The following CPNE3 variants were observed in gnomAD, a reference collection of about 807,000 sequenced individuals.
The protein encoded by CPNE3 is copine 3.
A neutral mutation model predicts 63.9 loss-of-function variants in CPNE3; 68 were observed. The ratio of observed to expected loss-of-function variants is 1.06; its 90% CI spans 0.87 to 1.30. The LOEUF (loss-of-function observed/expected upper bound fraction) is 1.30. Ranked by LOEUF, CPNE3 falls within the 50% of genes most tolerant of loss-of-function variation. CPNE3 has a pLI of 0.00. For synonymous variants in CPNE3, 219 were observed against 197.5 expected (o/e 1.11, Z -0.91); for missense variants, 665 against 578.1 (o/e 1.15, Z -1.54).
Position 86,558,392 on chromosome 8 carries a change from G to A in CPNE3, c.1596G>A (p.Thr532=), listed in dbSNP as rs756944839. 11 of 872,920 alleles carry A rather than the reference G, an allele frequency of 1.3e-5. No homozygotes were observed. Among genetic ancestry groups the A allele is most frequent in the Admixed American group, 5.1e-5 (3 of 59,178 alleles). The allele number at this position is 872,920 out of a possible 1,614,324, so 54.1% of individuals were successfully genotyped here. A position where few individuals can be genotyped will look rare whatever the true frequency, so the allele number is the denominator to read the frequency against. Residue 532 remains threonine (T), a synonymous_variant, in exon 17 of 17, where the codon ACG becomes ACA. Transcript: ENST00000517490. ...TCCTTCCTCCCAAGAACCCAGCCAC[G>A]AAACAACAGAAGCAGTGACCACTTC... The part of the protein sequence containing the change: ...YKLLPPKNPA[T]KQQKQ
intron 2 of CPNE3, 124 bp from the exon 3 acceptor site, chr8:86,528,412 G>A (rs1005590837): frequency 2.0e-6 from 2 of 990,052 alleles, no homozygotes; most frequent in Non-Finnish European, 3.0e-6. Context: ...TCTGATTCTG[G>A]CAAGTTCACT....
chr8:86,545,469 T>C (rs1311058842), intron 9 of CPNE3: 1 of 152,210 alleles, frequency 6.6e-6, no homozygotes, highest in Non-Finnish European at 1.5e-5. Context: ...ATCTAGCCCT[T>C]TTTCAATGAG....
intron 9 of CPNE3, 61 bp downstream of exon 9, chr8:86,544,899 T>C: frequency 1.0e-6 from 1 of 971,014 alleles, no homozygotes; most frequent in Non-Finnish European, 1.5e-6. Flanking sequence ...TATTACTGTA[T>C]TTCATTTTTT....
intron 6 of CPNE3, 122 bp downstream of exon 6, chr8:86,532,702 C>A: frequency 1.3e-6 from 1 of 791,438 alleles, no homozygotes; most frequent in Non-Finnish European, 2.1e-6. Context: ...TAGTTACTTT[C>A]AAATTTTGCA....
chr8:86,550,970 G>A (rs112013396), intron 12 of CPNE3, 76 bp from the exon 13 acceptor site: 17,890 of 1,401,234 alleles, frequency 0.013, 156 homozygotes, highest in Non-Finnish European at 0.015. Flanking sequence ...AGCTCATATG[G>A]ATTTTATTGT....
At chr8:86,526,605 CAGTCTCAAGCGATCCT>C in intron 2 of CPNE3, among the ~76,000 whole-genome samples, 1 of 152,012 alleles carries the variant, frequency 6.6e-6, no homozygotes, top group Non-Finnish European at 1.5e-5. Context: ...CTCTGCCTTC[CAGTCTCAAGCGATCCT>C]CCTACCTCAG....
rs1435423454 is a variant in CPNE3 at position 86,561,278 on chromosome 8, G to T, written c.*2868G>T. 2 of 152,168 alleles carry T rather than the reference G, an allele frequency of 1.3e-5. No individual in the cohort carries two copies. Among genetic ancestry groups the T allele is most frequent in the Non-Finnish European group, 2.9e-5 (2 of 68,038 alleles). The allele number at this position is 152,168 out of a possible 1,614,324, so 9.4% of individuals were successfully genotyped here. A position where few individuals can be genotyped will look rare whatever the true frequency, so the allele number is the denominator to read the frequency against. On this transcript the variant is annotated 3_prime_UTR_variant, in exon 17 of 17. Transcript: ENST00000517490. ...CATAAAGTACGCCAGAAGTTTGATG[G>T]AACGTGTTAGAAACTGTTTTGTGCT...
chr8:86,543,706 G>A lies in CPNE3; in HGVS notation c.634-1034G>A, dbSNP rs186034613. 3.9e-3 allele frequency among the ~76,000 whole-genome samples: 596 copies of A among 152,178 alleles called. 5 individuals carry two copies. The highest frequency in any genetic ancestry group is 6.2e-3 in the Non-Finnish European group (420 of 67,980). On this transcript the variant is annotated intron_variant, in intron 8 of 16. Transcript: ENST00000517490. ...TGTAAGTCTTAGTTCTGCAAAATGG[G>A]CATCATAGTAACAGGATTCCAACTC...
At position 86,528,553 on chromosome 8, in the gene CPNE3, C is replaced by T. The variant is rs967728616; in HGVS notation, c.8C>T (p.Ala3Val). MA[A>V]QCVTKVALNV... ...TTTCTCAGAACTCAAGACATGGCTG[C>T]CCAGTGTGTCACAAAGGTGGCGCTG... The change falls in exon 3 of 17, where the codon GCC becomes GTC. Residue 3 changes from alanine to valine, a missense_variant. Ala to Val is a moderately conservative substitution (Grantham distance 64). Coordinates refer to ENST00000517490, the MANE Select transcript of CPNE3 (RefSeq NM_003909.5). 10 of 1,613,576 alleles carry T rather than the reference C, an allele frequency of 6.2e-6. No individual in the cohort carries two copies. The Admixed American group carries it at 1.2e-4, about 19-fold the overall frequency.
intron 14 of CPNE3, among the ~76,000 whole-genome samples, chr8:86,552,837 A>AT (rs531932518): frequency 0.28 from 33,018 of 116,324 alleles, 6,068 homozygotes; most frequent in Non-Finnish European, 0.39. Context: ...ATTATTATTA[A>AT]TTTTTTTTTT....
chr8:86,558,331 C>G lies in CPNE3; in HGVS notation c.1535C>G (p.Pro512Arg). 1 of 872,924 alleles carries G rather than the reference C, an allele frequency of 1.1e-6. No homozygotes were observed. Among genetic ancestry groups the G allele is most frequent in the East Asian group, 2.4e-5 (1 of 41,696 alleles). The allele number at this position is 872,924 out of a possible 1,614,324, so 54.1% of individuals were successfully genotyped here. The change falls in exon 17 of 17, where the codon CCC becomes CGC. Residue 512 changes from proline to arginine, a missense_variant. Transcript: ENST00000517490. Reference protein sequence around the residue: ...ALAQCVLAEIPQQVVGYFNTY... With the variant: ...ALAQCVLAEIRQQVVGYFNTY... The stretch of plus-strand genomic sequence containing the variant: ...GCTCAGTGTGTCTTGGCAGAGATTC[C>G]CCAGCAGGTGGTGGGCTACTTCAAT...
intron 4 of CPNE3, among the ~76,000 whole-genome samples, chr8:86,529,601 C>T (rs1431115177): frequency 2.0e-5 from 3 of 152,160 alleles, no homozygotes; most frequent in African/African-American, 7.2e-5. Context: ...GTTTGGAATC[C>T]TTTCCTGAGC....
Position 86,554,978 on chromosome 8 carries a change from A to G in CPNE3, c.1248A>G (p.Thr416=), listed in dbSNP as rs747876121. Residue 416 remains threonine, a synonymous_variant, in exon 15 of 17, where the codon ACA becomes ACG. Transcript: ENST00000517490. The part of the protein sequence containing the change: ...RFAAAATQQQ[T]ASQYFVLLII... ...CTGCTGCAGCCACGCAACAGCAGACAGCTTCTGTAAGTGCTCTATGGCCAG... is the reference window on the plus strand; with the variant it reads ...CTGCTGCAGCCACGCAACAGCAGACGGCTTCTGTAAGTGCTCTATGGCCAG... The G allele has an allele frequency of 8.1e-6, 13 of 1,614,016 alleles. No individual in the cohort carries two copies. Among genetic ancestry groups the G allele is most frequent in the Admixed American group, 6.7e-5 (4 of 59,998 alleles).
In CPNE3 at chr8:86,554,931, A is replaced by G; in HGVS notation, c.1201A>G (p.Ile401Val). The change falls in exon 15 of 17, where the codon ATA becomes GTA. Residue 401 changes from isoleucine to valine, a missense_variant. Physicochemically the swap from Ile to Val is conservative, Grantham distance 29. Coordinates refer to ENST00000517490, the MANE Select transcript of CPNE3 (RefSeq NM_003909.5). The part of the protein sequence containing the change: ...LYGPTNFSPI[I>V]NHVARFAAAA... ...TGGACCAACTAATTTTTCTCCAATC[A>G]TAAATCACGTGGCCAGGTTTGCTGC... The G allele has an allele frequency of 6.2e-7, 1 of 1,614,162 alleles. No individual in the cohort carries two copies. Among genetic ancestry groups the G allele is most frequent in the Non-Finnish European group, 8.5e-7 (1 of 1,180,028 alleles).
In CPNE3 at chr8:86,528,674, T is replaced by C. The variant is rs922401000; in HGVS notation, c.129T>C (p.Tyr43=). 6.2e-7 allele frequency: 1 copy of C among 1,609,966 alleles called. No homozygotes were observed. Among genetic ancestry groups the C allele is most frequent in the East Asian group, 2.2e-5 (1 of 44,856 alleles). The change falls in exon 3 of 17, where the codon TAT becomes TAC. Residue 43 remains tyrosine, a synonymous_variant. Coordinates refer to ENST00000517490, the MANE Select transcript of CPNE3 (RefSeq NM_003909.5). ...LFLNTSGQQW[Y]EVERTERIKN... ...TGAATACAAGTGGTCAACAGTGGTA[T>C]GAGGTAATGTCAAATACTTTACCTA...
At chr8:86,556,598 G>GA (rs1220405779) in intron 16 of CPNE3, among the ~76,000 whole-genome samples, 4 of 152,162 alleles carry the variant, frequency 2.6e-5, no homozygotes, top group African/African-American at 9.7e-5. Context: ...GTAACAACAG[G>GA]AAAAAACTCT....
intron 12 of CPNE3, among the ~76,000 whole-genome samples, chr8:86,549,903 TG>T (rs1329426359): frequency 2.0e-5 from 3 of 152,232 alleles, no homozygotes; most frequent in Non-Finnish European, 4.4e-5. Flanking sequence ...CCCAGCCATC[TG>T]ATCACATCCA....
At position 86,550,899 on chromosome 8, in the gene CPNE3, T is replaced by C. The variant is rs1192941680; in HGVS notation, c.1014-147T>C. The C allele has an allele frequency of 5.5e-6, 4 of 729,190 alleles. No individual in the cohort carries two copies. In the African/African-American group the frequency reaches 7.1e-5, roughly 13 times the overall value. The allele number at this position is 729,190 out of a possible 1,614,324, so 45.2% of individuals were successfully genotyped here. Reference sequence around the variant, plus strand: ...GGATGAGAGTTGTCAAATATTAACATTGATTCTCTTTGGCAGTTAATATAG... The same window carrying C: ...GGATGAGAGTTGTCAAATATTAACACTGATTCTCTTTGGCAGTTAATATAG... On this transcript the variant is annotated intron_variant, in intron 12 of 16. Transcript: ENST00000517490.
intron 9 of CPNE3, chr8:86,545,214 G>A: frequency 6.5e-6 from 1 of 154,080 alleles, no homozygotes; most frequent in Admixed American, 6.5e-5. Flanking sequence ...ACAGAGAGAA[G>A]AGGCAGAGCA....
Sources: allele counts gnomAD v4.1 joint callset (sites outside exome capture counted in the v4.1 genomes callset), GRCh38; gene constraint gnomAD v4.1.1; transcripts MANE v1.5; gene names NCBI Gene and HGNC (gene_info 2026-07-23, HGNC 2026-07-21).